The following KCNK13 variants were observed in gnomAD, a reference collection of about 807,000 sequenced individuals.
The protein encoded by KCNK13 is potassium two pore domain channel subfamily K member 13.
Under a neutral mutation model 23.4 loss-of-function variants are expected in KCNK13, and 12 were observed. That is an observed-to-expected ratio of 0.51 (90% CI 0.33 to 0.83). The LOEUF (loss-of-function observed/expected upper bound fraction) is 0.83, where lower values mean the gene tolerates loss of function less well. Ranked by LOEUF, KCNK13 falls within the 40% of genes least tolerant of loss-of-function variation. KCNK13 has a pLI of 0.02. For missense variants in KCNK13, 463 were observed against 556.3 expected, an observed-to-expected ratio of 0.83 and a Z score of 1.69; for synonymous variants, 231 against 229.5, an observed-to-expected ratio of 1.01 and a Z score of -0.06.
At chr14:90,163,764 A>G (rs1048360664) in intron 1 of KCNK13, among the ~76,000 whole-genome samples, 1 of 152,160 alleles carries the variant, frequency 6.6e-6, no homozygotes, top group Admixed American at 6.5e-5. Flanking sequence ...ATCTCGGCTC[A>G]CTGCAGCCTC....
chr14:90,115,239 A>G (rs1211090599), intron 1 of KCNK13, among the ~76,000 whole-genome samples: 1 of 152,138 alleles, frequency 6.6e-6, no homozygotes, highest in Non-Finnish European at 1.5e-5. Flanking sequence ...CCCCAGAGCG[A>G]CTGAGTGTGA....
chr14:90,148,881 C>T (rs1515412), intron 1 of KCNK13, among the ~76,000 whole-genome samples: 70,621 of 152,016 alleles, frequency 0.46, 17,272 homozygotes, highest in African/African-American at 0.54. Context: ...CAGTCAAATA[C>T]AGGAGGTCAA....
chr14:90,162,618 TA>T (rs1890263715), intron 1 of KCNK13, among the ~76,000 whole-genome samples: 1 of 152,226 alleles, frequency 6.6e-6, no homozygotes, highest in African/African-American at 2.4e-5. Context: ...ATAAACTTTT[TA>T]AAATGTTATG....
chr14:90,065,940 C>T (rs771018238), intron 1 of KCNK13, among the ~76,000 whole-genome samples: 52 of 152,098 alleles, frequency 3.4e-4, no homozygotes, highest in Admixed American at 1.4e-3. Context: ...ATATCAGAAA[C>T]GAGGAAACAT....
chr14:90,107,651 C>T (rs1889562477), intron 1 of KCNK13: 1 of 658,958 alleles, frequency 1.5e-6, no homozygotes. Flanking sequence ...AGGATTCTTC[C>T]CAGGGGGACC....
chr14:90,100,275 ACT>A (rs1889459372), intron 1 of KCNK13, among the ~76,000 whole-genome samples: 1 of 152,124 alleles, frequency 6.6e-6, no homozygotes, highest in Non-Finnish European at 1.5e-5. Context: ...CACCCAAGAA[ACT>A]CTATAATAGG....
chr14:90,087,149 T>TAC (rs1665795360), intron 1 of KCNK13, among the ~76,000 whole-genome samples: 3 of 114,232 alleles, frequency 2.6e-5, no homozygotes, highest in Non-Finnish European at 5.3e-5. Context: ...TATATATATA[T>TAC]ATATATTTTT....
intron 1 of KCNK13, among the ~76,000 whole-genome samples, chr14:90,123,865 T>C (rs1252273217): frequency 6.6e-6 from 1 of 152,188 alleles, no homozygotes; most frequent in African/African-American, 2.4e-5. Context: ...GGGCTAATTC[T>C]AAGCCAGTGA....
chr14:90,101,435 C>T (rs1373414502), intron 1 of KCNK13, among the ~76,000 whole-genome samples: 2 of 151,958 alleles, frequency 1.3e-5, no homozygotes, highest in East Asian at 1.9e-4. Context: ...TGGGGTGCAA[C>T]GCAGGAGAGG....
intron 1 of KCNK13, among the ~76,000 whole-genome samples, chr14:90,086,546 T>A (rs974040498): frequency 6.6e-6 from 1 of 152,192 alleles, no homozygotes; most frequent in Non-Finnish European, 1.5e-5. Flanking sequence ...CATCAGTGGA[T>A]GTTTTTGTGT....
At chr14:90,163,538 G>A (rs1381686393) in intron 1 of KCNK13, among the ~76,000 whole-genome samples, 1 of 152,134 alleles carries the variant, frequency 6.6e-6, no homozygotes, top group Non-Finnish European at 1.5e-5. Context: ...CCACATGCTT[G>A]AGCCACCAAG....
At chr14:90,076,351 A>G (rs1245227549) in intron 1 of KCNK13, among the ~76,000 whole-genome samples, 1 of 152,248 alleles carries the variant, frequency 6.6e-6, no homozygotes, top group Non-Finnish European at 1.5e-5. Context: ...CTGTTCTGCC[A>G]GGCTTAGATG....
intron 1 of KCNK13, among the ~76,000 whole-genome samples, chr14:90,149,574 T>C (rs1371285613): frequency 6.6e-6 from 1 of 152,118 alleles, no homozygotes; most frequent in Admixed American, 6.5e-5. Flanking sequence ...CCCCCGTGAT[T>C]CAATTACCTC....
At chr14:90,167,913 G>GA (rs1476056246) in intron 1 of KCNK13, among the ~76,000 whole-genome samples, 1 of 152,326 alleles carries the variant, frequency 6.6e-6, no homozygotes, top group Admixed American at 6.5e-5. Flanking sequence ...GTAGGAAGTA[G>GA]AAGGTCCTTG....
intron 1 of KCNK13, among the ~76,000 whole-genome samples, chr14:90,125,373 G>A (rs566444594): frequency 8.6e-5 from 13 of 151,794 alleles, no homozygotes; most frequent in Non-Finnish European, 1.5e-4. Context: ...ACAGGCGCCC[G>A]CCACCACACC....
chr14:90,151,368 G>T (rs1890132599), intron 1 of KCNK13, among the ~76,000 whole-genome samples: 1 of 152,076 alleles, frequency 6.6e-6, no homozygotes, highest in African/African-American at 2.4e-5. Flanking sequence ...GTTTTAATTT[G>T]CATTTCCCTG....
At chr14:90,078,231 C>T (rs1355643829) in intron 1 of KCNK13, among the ~76,000 whole-genome samples, 1 of 152,022 alleles carries the variant, frequency 6.6e-6, no homozygotes, top group African/African-American at 2.4e-5. Flanking sequence ...ACCATCCTGG[C>T]CAACATGGCG....
intron 1 of KCNK13, among the ~76,000 whole-genome samples, chr14:90,107,457 G>A (rs1223821245): frequency 5.3e-5 from 8 of 152,198 alleles, no homozygotes; most frequent in African/African-American, 1.9e-4. Flanking sequence ...CGGCCTGGGC[G>A]ACAGTGTGAG....
At chr14:90,087,682 C>T (rs921666156) in intron 1 of KCNK13, among the ~76,000 whole-genome samples, 1 of 152,200 alleles carries the variant, frequency 6.6e-6, no homozygotes, top group Admixed American at 6.5e-5. Context: ...CAGGATGTTG[C>T]CAGGTGCTGA....
Sources: gnomAD v4.1 joint callset for allele counts (sites outside exome capture counted in the v4.1 genomes callset) on GRCh38, gnomAD v4.1.1 for gene constraint, MANE v1.5 for transcripts, NCBI Gene and HGNC (gene_info 2026-07-23, HGNC 2026-07-21) for gene names.